SLC2A5: variants seen among roughly 807,000 people sequenced by gnomAD.
The protein encoded by SLC2A5 is solute carrier family 2 member 5.
SLC2A5 carries 56 observed loss-of-function variants against 50.3 expected under a neutral mutation model. That is an observed-to-expected ratio of 1.11 (90% confidence interval 0.90 to 1.39). SLC2A5 has a LOEUF of 1.39. Among genes scored for constraint, SLC2A5 ranks in the 40% most tolerant of loss-of-function variants. The pLI is 0.00. For missense variants in SLC2A5, 566 were observed against 650.1 expected, an observed-to-expected ratio of 0.87 and a Z score of 1.41; for synonymous variants, 269 against 281.9, an observed-to-expected ratio of 0.95 and a Z score of 0.46.
upstream of SLC2A5, among the ~76,000 whole-genome samples, chr1:9,088,738 G>A (rs563036676): frequency 1.1e-4 from 16 of 152,186 alleles, no homozygotes; most frequent in East Asian, 3.9e-4. Context: ...AGCCGAGATC[G>A]CGCCACTGCA....
chr1:9,093,888 C>T, the SLC2A5 span, among the ~76,000 whole-genome samples: 8 of 152,120 alleles, frequency 5.3e-5, no homozygotes, highest in Non-Finnish European at 1.2e-4. Flanking sequence ...AAAGGAGCTT[C>T]GTTTTTGGAA....
intron 3 of SLC2A5, among the ~76,000 whole-genome samples, chr1:9,054,439 C>T (rs1019549850): frequency 3.3e-5 from 5 of 151,976 alleles, no homozygotes; most frequent in South Asian, 2.1e-4. Context: ...ATCTTTCTTC[C>T]GGGATTTTGA....
Position 9,069,501 on chromosome 1 carries a change from C to CA in SLC2A5, c.33+2dup. On this transcript the variant is annotated splice_region_variant and intron_variant, in intron 1 of 11. Transcript: ENST00000377424. ...GGCCCCTTTCCCTGAGCAACACACT[C>CA]ACCCCTTCCTTCATGCTCTGATCCT... is the stretch of plus-strand genomic sequence containing the variant. 1 of 1,614,018 alleles carries CA rather than the reference C, an allele frequency of 6.2e-7. No homozygotes were observed. Among genetic ancestry groups the CA allele is most frequent in the Non-Finnish European group, 8.5e-7 (1 of 1,179,984 alleles).
At chr1:9,070,072 G>GTTTTTTTTTTTTTTTTTTTTTTT (rs56828280), upstream of SLC2A5, among the ~76,000 whole-genome samples, 3 of 62,514 alleles carry the variant, frequency 4.8e-5, no homozygotes, top group African/African-American at 2.6e-4. Context: ...CTCATTTTCT[G>GTTTTTTTTTTTTTTTTTTTTTTT]TTTTTTTTTT....
chr1:9,066,277 G>T (rs60607074), intron 1 of SLC2A5, among the ~76,000 whole-genome samples: 1 of 151,768 alleles, frequency 6.6e-6, no homozygotes, highest in Non-Finnish European at 1.5e-5. Context: ...CTGGAGTCAC[G>T]CAGGCTGGAG....
chr1:9,054,406 A>T (rs1403278857), intron 3 of SLC2A5, among the ~76,000 whole-genome samples: 4 of 152,188 alleles, frequency 2.6e-5, no homozygotes, highest in African/African-American at 9.7e-5. Flanking sequence ...TTAATTTATA[A>T]ATTCAGAGCA....
intron 4 of SLC2A5, among the ~76,000 whole-genome samples, chr1:9,046,114 C>T (rs1270223971): frequency 2.6e-5 from 4 of 152,126 alleles, no homozygotes; most frequent in African/African-American, 4.8e-5. Context: ...TTGGAAGGAA[C>T]AAATGAGAGT....
chr1:9,084,561 T>C (rs1401134565), intron 2 of SLC2A5, among the ~76,000 whole-genome samples: 3 of 152,234 alleles, frequency 2.0e-5, no homozygotes, highest in African/African-American at 7.2e-5. Flanking sequence ...GCTCACACTA[T>C]AAATCAGCCC....
rs932393603 is a variant in SLC2A5 at position 9,039,678 on chromosome 1, G to T, written c.886-16C>A. ...AGTAGTAGATCTGCAAGGCAAGCGC[G>T]GGGCTGGGCGGCTGCCCGGAGGAGG... On this transcript the variant is annotated splice_polypyrimidine_tract_variant and intron_variant, in intron 7 of 11. Coordinates refer to ENST00000377424, the MANE Select transcript of SLC2A5 (RefSeq NM_003039.3). The T allele has an allele frequency of 1.3e-6, 2 of 1,506,924 alleles. No individual in the cohort carries two copies. Among genetic ancestry groups the T allele is most frequent in the Admixed American group, 2.2e-5 (1 of 46,192 alleles). The allele number at this position is 1,506,924 out of a possible 1,614,324, so 93.3% of individuals were successfully genotyped here.
chr1:9,075,950 C>T (rs141338836), intron 2 of SLC2A5, among the ~76,000 whole-genome samples: 1,770 of 136,990 alleles, frequency 0.013, 33 homozygotes, highest in African/African-American at 0.044. Context: ...CGTGAGCCAC[C>T]GCGCCCGGCA....
Position 9,057,573 on chromosome 1 carries a change from A to C in SLC2A5, c.168T>G (p.Gly56=), listed in dbSNP as rs959777199. The C allele has an allele frequency of 6.8e-6, 11 of 1,613,776 alleles. No individual in the cohort carries two copies. Among genetic ancestry groups the C allele is most frequent in the Admixed American group, 5.0e-5 (3 of 59,866 alleles). ...AGTCTTCCATGAATTCACCGGTCCTACCATAGTAAGTCTCATTGTAAAATT... is the reference window on the plus strand; with the variant it reads ...AGTCTTCCATGAATTCACCGGTCCTCCCATAGTAAGTCTCATTGTAAAATT... The part of the protein sequence containing the change: ...MQQFYNETYY[G]RTGEFMEDFP... Residue 56 remains glycine (G), a synonymous_variant, in exon 3 of 12, where the codon GGT becomes GGG. Transcript: ENST00000377424.
chr1:9,042,830 G>A (rs55909245), intron 4 of SLC2A5, among the ~76,000 whole-genome samples: 11,583 of 152,046 alleles, frequency 0.076, 485 homozygotes, highest in East Asian at 0.15. Flanking sequence ...CAAGTTATAT[G>A]TCTCTATAAG....
At chr1:9,079,231 G>A (rs778048818) in intron 2 of SLC2A5, among the ~76,000 whole-genome samples, 7 of 152,140 alleles carry the variant, frequency 4.6e-5, no homozygotes, top group Non-Finnish European at 1.0e-4. Flanking sequence ...CCCCGAGGCA[G>A]AGAGATTGTT....
At chr1:9,073,521 G>T (rs2124466857), upstream of SLC2A5, among the ~76,000 whole-genome samples, 1 of 152,326 alleles carries the variant, frequency 6.6e-6, no homozygotes, top group East Asian at 1.9e-4. Flanking sequence ...GGAGGAGCTG[G>T]GGCCCCTTAC....
intron 2 of SLC2A5, among the ~76,000 whole-genome samples, chr1:9,084,122 C>T (rs561268374): frequency 5.0e-4 from 76 of 151,706 alleles, no homozygotes; most frequent in Admixed American, 3.0e-3. Context: ...CCAGCCTGGG[C>T]GACAGCGAGA....
At chr1:9,061,843 C>A (rs909767448) in intron 1 of SLC2A5, among the ~76,000 whole-genome samples, 35 of 152,290 alleles carry the variant, frequency 2.3e-4, no homozygotes, top group African/African-American at 8.4e-4. Flanking sequence ...GGGGTTCTGC[C>A]AGGCACCATG....
chr1:9,087,208 C>CTT (rs35852748), intron 1 of SLC2A5, among the ~76,000 whole-genome samples: 19,266 of 142,358 alleles, frequency 0.14, 1,420 homozygotes, highest in East Asian at 0.29. Context: ...TTACTTCTTT[C>CTT]TTTTTTTTTT....
At chr1:9,039,198 G>A (rs933713072) in intron 8 of SLC2A5, among the ~76,000 whole-genome samples, 11 of 152,202 alleles carry the variant, frequency 7.2e-5, no homozygotes, top group Admixed American at 2.6e-4. Context: ...TCCTGCCCTC[G>A]GGAGGCCAGA....
At chr1:9,087,138 T>G (rs1642408523) in intron 1 of SLC2A5, among the ~76,000 whole-genome samples, 1 of 152,144 alleles carries the variant, frequency 6.6e-6, no homozygotes. Flanking sequence ...GAAGCCACTT[T>G]CAGGTTTGTT....
Sources: allele counts gnomAD v4.1 joint callset (sites outside exome capture counted in the v4.1 genomes callset), GRCh38; gene constraint gnomAD v4.1.1; transcripts MANE v1.5; gene names NCBI Gene and HGNC (gene_info 2026-07-23, HGNC 2026-07-21).